The following PLEKHG1 variants were observed in gnomAD, a reference collection of about 807,000 sequenced individuals.
PLEKHG1 encodes pleckstrin homology and RhoGEF domain containing G1.
In PLEKHG1, 44 loss-of-function variants were observed where a neutral mutation model predicts 100.8. The observed-to-expected ratio is 0.44, with a 90% CI of 0.34 to 0.56. The LOEUF (loss-of-function observed/expected upper bound fraction) is 0.56, where lower values mean the gene tolerates loss of function less well. Ranked by LOEUF, PLEKHG1 falls within the 20% of genes least tolerant of loss-of-function variation. The pLI is 0.01. For synonymous variants in PLEKHG1, 640 were observed against 662.5 expected, an observed-to-expected ratio of 0.97 and a Z score of 0.52; for missense variants, 1,545 against 1,720.9, an observed-to-expected ratio of 0.90 and a Z score of 1.81.
chr6:150,666,709 G>A lies in PLEKHG1; in HGVS notation c.-99+15923G>A, dbSNP rs114253965. 3.6e-3 allele frequency among the ~76,000 whole-genome samples: 548 copies of A among 152,020 alleles called. 3 individuals are homozygous for A. Among genetic ancestry groups the A allele is most frequent in the African/African-American group, 0.013 (523 of 41,466 alleles). On this transcript the variant is annotated intron_variant, in intron 3 of 3. Coordinates refer to the PLEKHG1 transcript ENST00000367326. ...ATGTCAGAGACTGAGCTGGAATCAAGATATCTTGCCTTCTAGCTTCATACA... is the reference window on the plus strand; with the variant it reads ...ATGTCAGAGACTGAGCTGGAATCAAAATATCTTGCCTTCTAGCTTCATACA...
intron 2 of PLEKHG1, among the ~76,000 whole-genome samples, chr6:150,644,860 C>G (rs1199770069): frequency 3.3e-5 from 5 of 151,790 alleles, no homozygotes; most frequent in Non-Finnish European, 5.9e-5. Flanking sequence ...TTTTAAGGCT[C>G]TAAATAGTGT....
intron 2 of PLEKHG1, among the ~76,000 whole-genome samples, chr6:150,754,708 G>A (rs1783726984): frequency 7.1e-6 from 1 of 141,750 alleles, no homozygotes; most frequent in Admixed American, 7.3e-5. Flanking sequence ...CACTGTCATT[G>A]CCCAGGCTGG....
intron 2 of PLEKHG1, among the ~76,000 whole-genome samples, chr6:150,757,300 C>T (rs1201155663): frequency 6.6e-6 from 1 of 152,212 alleles, no homozygotes; most frequent in African/African-American, 2.4e-5. Context: ...CGCACCCCAC[C>T]TGCTGTAAAT....
chr6:150,706,260 A>C (rs1390449770), intron 3 of PLEKHG1, among the ~76,000 whole-genome samples: 1 of 152,186 alleles, frequency 6.6e-6, no homozygotes, highest in Non-Finnish European at 1.5e-5. Flanking sequence ...CAGCGAGCTC[A>C]GTATGTCATT....
intron 2 of PLEKHG1, among the ~76,000 whole-genome samples, chr6:150,649,633 T>G (rs1400218184): frequency 6.6e-6 from 1 of 152,174 alleles, no homozygotes; most frequent in African/African-American, 2.4e-5. Flanking sequence ...TCCCAGCACT[T>G]TGGGAGGCCG....
intron 3 of PLEKHG1, among the ~76,000 whole-genome samples, chr6:150,678,102 A>ATG (rs1779824572): frequency 7.9e-6 from 1 of 127,286 alleles, no homozygotes; most frequent in Non-Finnish European, 1.6e-5. Context: ...ATATATATAT[A>ATG]TGTTGTGGAA....
intron 10 of PLEKHG1, among the ~76,000 whole-genome samples, chr6:150,810,643 G>C (rs1583177000): frequency 2.0e-5 from 3 of 152,084 alleles, no homozygotes; most frequent in Non-Finnish European, 4.4e-5. Flanking sequence ...CATGGGGCCA[G>C]GCACAGTGGC....
intron 3 of PLEKHG1, among the ~76,000 whole-genome samples, chr6:150,690,186 GTTAT>G (rs946230418): frequency 6.6e-6 from 1 of 152,066 alleles, no homozygotes; most frequent in Admixed American, 6.6e-5. Context: ...ACTCATAACT[GTTAT>G]TTATTTTATT....
At chr6:150,639,848 A>G (rs1227856591) in intron 2 of PLEKHG1, among the ~76,000 whole-genome samples, 1 of 152,230 alleles carries the variant, frequency 6.6e-6, no homozygotes, top group Non-Finnish European at 1.5e-5. Flanking sequence ...TTCCTGTTCA[A>G]TTCTGAACTT....
chr6:150,669,074 C>G (rs1779496764), intron 3 of PLEKHG1, among the ~76,000 whole-genome samples: 2 of 152,074 alleles, frequency 1.3e-5, no homozygotes, highest in East Asian at 1.9e-4. Context: ...CTACTTAGTT[C>G]TGAGGAAAGC....
chr6:150,745,900 G>A lies in PLEKHG1; in HGVS notation c.411+11808G>A, dbSNP rs141765731. ...ATGGAAGCCACCAGCTGCCCACACCGGCCACCCTGGAGAACAAAAGGAAGC... is the reference window on the plus strand; with the variant it reads ...ATGGAAGCCACCAGCTGCCCACACCAGCCACCCTGGAGAACAAAAGGAAGC... On this transcript the variant is annotated intron_variant, in intron 2 of 15. Transcript: ENST00000358517. 2.7e-4 allele frequency among the ~76,000 whole-genome samples: 41 copies of A among 152,124 alleles called. 1 individual carries two copies. The highest frequency in any genetic ancestry group is 4.1e-4 in the African/African-American group (17 of 41,490).
intron 3 of PLEKHG1, among the ~76,000 whole-genome samples, chr6:150,682,653 C>G (rs1779974734): frequency 6.6e-6 from 1 of 152,034 alleles, no homozygotes; most frequent in African/African-American, 2.4e-5. Context: ...CGGAAACTTC[C>G]TAGATGGCAG....
intron 1 of PLEKHG1, among the ~76,000 whole-genome samples, chr6:150,724,423 C>T (rs9478797): frequency 0.21 from 31,899 of 151,948 alleles, 5,020 homozygotes; most frequent in African/African-American, 0.44. Flanking sequence ...GTGGATGGTT[C>T]TGGGTGCCCC....
chr6:150,771,494 A>G (rs1784713212), intron 3 of PLEKHG1, among the ~76,000 whole-genome samples: 1 of 152,132 alleles, frequency 6.6e-6, no homozygotes, highest in Non-Finnish European at 1.5e-5. Context: ...CCCCGTCTGC[A>G]GAAGTTAGAT....
chr6:150,809,565 C>A, intron 9 of PLEKHG1, 83 bp from the exon 11 acceptor site: 1 of 1,489,212 alleles, frequency 6.7e-7, no homozygotes, highest in Non-Finnish European at 9.4e-7. Context: ...GCGTTCTGGC[C>A]ACATGGTCAT....
chr6:150,795,899 CA>C lies in PLEKHG1; in HGVS notation c.628del (p.Arg210GlyfsTer6). Reference sequence around the variant, plus strand: ...TATACCCAGTATTGCACTAACTATCCAAGGTATGGATCGAGAATGGGCCAAG... The same window carrying C: ...TATACCCAGTATTGCACTAACTATCCAGGTATGGATCGAGAATGGGCCAAG... On this transcript the variant is annotated frameshift_variant and splice_region_variant, in exon 5 of 16. Transcript: ENST00000358517. LOFTEE classifies it high-confidence loss of function. The C allele has an allele frequency of 6.3e-7, 1 of 1,594,200 alleles. No homozygotes were observed. The highest frequency in any genetic ancestry group is 8.6e-7 in the Non-Finnish European group (1 of 1,162,738).
chr6:150,686,394 C>T (rs1316631964), intron 3 of PLEKHG1, among the ~76,000 whole-genome samples: 1 of 152,158 alleles, frequency 6.6e-6, no homozygotes, highest in Non-Finnish European at 1.5e-5. Context: ...TTTGGAAAAA[C>T]AATGCCTGAA....
intron 7 of PLEKHG1, among the ~76,000 whole-genome samples, chr6:150,805,387 T>G (rs1787010807): frequency 6.6e-6 from 1 of 152,210 alleles, no homozygotes; most frequent in Admixed American, 6.5e-5. Flanking sequence ...TAAGCCTTTA[T>G]TCCTCTGCCA....
intron 5 of PLEKHG1, among the ~76,000 whole-genome samples, chr6:150,797,202 A>G (rs1583149813): frequency 6.6e-6 from 1 of 151,816 alleles, no homozygotes; most frequent in African/African-American, 2.4e-5. Context: ...GACTTTACAC[A>G]CTCTGTAGCC....
Sources: allele counts gnomAD v4.1 joint callset (sites outside exome capture counted in the v4.1 genomes callset), GRCh38; gene constraint gnomAD v4.1.1; transcripts MANE v1.5; gene names NCBI Gene and HGNC (gene_info 2026-07-23, HGNC 2026-07-21).